Variants in KLHL29 observed in about 807,000 individuals in gnomAD.
KLHL29 encodes the protein kelch like family member 29.
Under a neutral mutation model 80.4 loss-of-function variants are expected in KLHL29, and 21 were observed. The ratio of observed to expected loss-of-function variants is 0.26; its 90% CI spans 0.19 to 0.38. The LOEUF (loss-of-function observed/expected upper bound fraction) is 0.38. Ranked by LOEUF, KLHL29 falls within the 10% of genes least tolerant of loss-of-function variation. The pLI is 1.00. For missense variants in KLHL29, 867 were observed against 1,223.9 expected (o/e 0.71, Z 4.35); for synonymous variants, 511 against 526.8 (o/e 0.97, Z 0.41).
chr2:23,429,479 G>T (rs1352321506), intron 1 of KLHL29, among the ~76,000 whole-genome samples: 1 of 152,218 alleles, frequency 6.6e-6, no homozygotes, highest in South Asian at 2.1e-4. Context: ...CAGGCTGGGC[G>T]CAGTGGCTCA....
Position 23,708,166 on chromosome 2 carries a change from C to A in KLHL29, c.*1502C>A, listed in dbSNP as rs9261. On this transcript the variant is annotated 3_prime_UTR_variant, in exon 14 of 14. Transcript: ENST00000486442. Reference sequence around the variant, plus strand: ...TGATGACACAAAATTCCAGTTCTAACGTTGGGCATCAACTTCTAGCACTAC... The same window carrying A: ...TGATGACACAAAATTCCAGTTCTAAAGTTGGGCATCAACTTCTAGCACTAC... 6.6e-6 allele frequency: 1 copy of A among 152,072 alleles called. No individual in the cohort carries two copies. Among genetic ancestry groups the A allele is most frequent in the African/African-American group, 2.4e-5 (1 of 41,378 alleles). 9.4% of individuals were successfully genotyped at this position (152,072 alleles called of 1,614,324 possible). A position where few individuals can be genotyped will look rare whatever the true frequency, so the allele number is the denominator to read the frequency against.
At chr2:23,607,880 G>T (rs1348228031) in intron 3 of KLHL29, among the ~76,000 whole-genome samples, 1 of 152,210 alleles carries the variant, frequency 6.6e-6, no homozygotes, top group Non-Finnish European at 1.5e-5. Flanking sequence ...CTGCCAAAAA[G>T]GTTGGGGACC....
rs574190352 is a variant in KLHL29 at position 23,680,380 on chromosome 2, C to T, written c.941-4019C>T. On this transcript the variant is annotated intron_variant, in intron 5 of 13. Transcript: ENST00000486442. This position sits in a 1 kb window ranked among gnomAD's most constrained non-coding sequence, Gnocchi z 4.1. Reference sequence around the variant, plus strand: ...ATGCAGGAGGAAGTGGGGAAAGGGGCAAAGAGGCCTGGGACAAAAATCTGA... The same window carrying T: ...ATGCAGGAGGAAGTGGGGAAAGGGGTAAAGAGGCCTGGGACAAAAATCTGA... Among the ~76,000 whole-genome samples the T allele has an allele frequency of 4.6e-5, 7 of 152,104 alleles. No individual in the cohort carries two copies. The highest frequency in any genetic ancestry group is 1.0e-4 in the Non-Finnish European group (7 of 68,004).
At chr2:23,641,058 C>T (rs887042473) in intron 4 of KLHL29, among the ~76,000 whole-genome samples, 3 of 152,268 alleles carry the variant, frequency 2.0e-5, no homozygotes, top group African/African-American at 7.2e-5. Flanking sequence ...TGTACACTGC[C>T]ACCTCAGAGC....
At chr2:23,518,624 C>G (rs1269348128) in intron 2 of KLHL29, among the ~76,000 whole-genome samples, 1 of 152,192 alleles carries the variant, frequency 6.6e-6, no homozygotes, top group African/African-American at 2.4e-5. Context: ...CTGTAGCACT[C>G]CCTGGCCAGT....
chr2:23,470,884 T>C (rs146040132), intron 1 of KLHL29, among the ~76,000 whole-genome samples: 13 of 152,334 alleles, frequency 8.5e-5, no homozygotes, highest in African/African-American at 2.6e-4. Flanking sequence ...TCTGAGAATG[T>C]TTATTTTTGT....
chr2:23,439,199 CT>C (rs1447422759), intron 1 of KLHL29, among the ~76,000 whole-genome samples: 1 of 151,622 alleles, frequency 6.6e-6, no homozygotes, highest in East Asian at 1.9e-4. Context: ...ATTCTTCTCT[CT>C]TTTTTTCTTT....
chr2:23,565,144 C>T (rs909385557), intron 3 of KLHL29, among the ~76,000 whole-genome samples: 3 of 152,176 alleles, frequency 2.0e-5, no homozygotes, highest in African/African-American at 7.2e-5. Context: ...TGGTGCTGAC[C>T]TCCTCCTATC....
rs79086379 is a variant in KLHL29 at position 23,409,980 on chromosome 2, G to T, written c.-154+24200G>T. Among the ~76,000 whole-genome samples, 305 of 152,304 alleles carry T rather than the reference G, an allele frequency of 2.0e-3. 12 individuals are homozygous for T. In the East Asian group the frequency reaches 0.052, roughly 26 times the overall value. ...CATTCCAGGCAGAGGAGATACATGTGCAGGAGAGAGTATGGTGCCTTCAAG... is the reference window on the plus strand; with the variant it reads ...CATTCCAGGCAGAGGAGATACATGTTCAGGAGAGAGTATGGTGCCTTCAAG... On this transcript the variant is annotated intron_variant, in intron 1 of 13. Transcript: ENST00000486442.
intron 5 of KLHL29, among the ~76,000 whole-genome samples, chr2:23,671,213 G>T (rs1001660792): frequency 4.0e-5 from 6 of 151,896 alleles, no homozygotes; most frequent in African/African-American, 1.4e-4. Context: ...TTATTTATTT[G>T]CTGGAACTGT....
At chr2:23,553,998 C>T (rs1223962951) in intron 2 of KLHL29, among the ~76,000 whole-genome samples, 1 of 152,156 alleles carries the variant, frequency 6.6e-6, no homozygotes, top group Non-Finnish European at 1.5e-5. Flanking sequence ...CAGAGGAGGC[C>T]AGTGTGGGAC....
chr2:23,631,569 G>C (rs1463047439), intron 3 of KLHL29, among the ~76,000 whole-genome samples: 1 of 151,672 alleles, frequency 6.6e-6, no homozygotes, highest in Non-Finnish European at 1.5e-5. Context: ...CCTGGGGCCA[G>C]GGGGCCAGAG....
chr2:23,670,517 C>T (rs376259748), intron 5 of KLHL29, among the ~76,000 whole-genome samples: 2 of 152,088 alleles, frequency 1.3e-5, no homozygotes, highest in African/African-American at 2.4e-5. Context: ...GTCCCCCCAA[C>T]CCCCAGGCCT....
chr2:23,408,461 A>C (rs1220740258), intron 1 of KLHL29, among the ~76,000 whole-genome samples: 1 of 152,086 alleles, frequency 6.6e-6, no homozygotes, highest in African/African-American at 2.4e-5. Context: ...GTTTACTTCC[A>C]TATCTCTCTG....
chr2:23,681,752 C>G lies in KLHL29; in HGVS notation c.941-2647C>G, dbSNP rs1048451553. Among the ~76,000 whole-genome samples, 2 of 152,172 alleles carry G rather than the reference C, an allele frequency of 1.3e-5. No individual in the cohort carries two copies. Among genetic ancestry groups the G allele is most frequent in the Admixed American group, 6.5e-5 (1 of 15,286 alleles). On this transcript the variant is annotated intron_variant, in intron 5 of 13. Coordinates refer to ENST00000486442, the MANE Select transcript of KLHL29 (RefSeq NM_052920.2). This position sits in a 1 kb window ranked among gnomAD's most constrained non-coding sequence, Gnocchi z 4.2. Reference sequence around the variant, plus strand: ...AGGATCCAGGTCTTCAGAATCCCAGCCCAGAATTCTGTCCCCTCCCCTACC... The same window carrying G: ...AGGATCCAGGTCTTCAGAATCCCAGGCCAGAATTCTGTCCCCTCCCCTACC...
At chr2:23,704,232 A>C (rs1340254953) in intron 13 of KLHL29, among the ~76,000 whole-genome samples, 1 of 152,236 alleles carries the variant, frequency 6.6e-6, no homozygotes, top group Non-Finnish European at 1.5e-5. Flanking sequence ...CCCTACAGGG[A>C]CAAGTGACTT....
At chr2:23,592,893 C>A (rs1169189733) in intron 3 of KLHL29, among the ~76,000 whole-genome samples, 1 of 152,160 alleles carries the variant, frequency 6.6e-6, no homozygotes, top group African/African-American at 2.4e-5. Flanking sequence ...TACACTTGAC[C>A]CAAAAGCCTC....
intron 3 of KLHL29, among the ~76,000 whole-genome samples, chr2:23,628,922 G>C (rs575904790): frequency 1.3e-5 from 2 of 152,214 alleles, no homozygotes; most frequent in African/African-American, 4.8e-5. Context: ...CCGCAGGGCC[G>C]GCAGTTGGAA....
At chr2:23,441,752 C>A (rs950185724) in intron 1 of KLHL29, among the ~76,000 whole-genome samples, 1 of 152,172 alleles carries the variant, frequency 6.6e-6, no homozygotes, top group Non-Finnish European at 1.5e-5. Flanking sequence ...CAGTTCCTTT[C>A]CATGTGGCCT....
Sources: gnomAD v4.1 joint callset for allele counts (sites outside exome capture counted in the v4.1 genomes callset) on GRCh38, gnomAD v4.1.1 for gene constraint, Gnocchi (gnomAD v3.1) non-coding constraint, MANE v1.5 for transcripts, NCBI Gene and HGNC (gene_info 2026-07-23, HGNC 2026-07-21) for gene names.